The following DOCK6 variants were observed in gnomAD, a reference collection of about 807,000 sequenced individuals.
DOCK6 encodes dedicator of cytokinesis 6.
A neutral mutation model predicts 230.3 loss-of-function variants in DOCK6; 167 were observed. The ratio of observed to expected loss-of-function variants is 0.73; its 90% CI spans 0.64 to 0.82. DOCK6 has a LOEUF of 0.82. Among genes scored for constraint, DOCK6 ranks in the 40% least tolerant of loss-of-function variants. The pLI, the probability that DOCK6 is intolerant of heterozygous loss-of-function variation, is 0.00. For missense variants in DOCK6, 2,598 were observed against 2,825.8 expected (o/e 0.92, Z 1.83); for synonymous variants, 1,148 against 1,185.0 (o/e 0.97, Z 0.64).
rs747575528 is a variant in DOCK6 at position 11,222,783 on chromosome 19, CAG to C, written c.3190_3191del (p.Leu1064ValfsTer60). 7.1e-5 allele frequency: 113 copies of C among 1,584,108 alleles called. No individual in the cohort carries two copies. The highest frequency in any genetic ancestry group is 3.3e-4 in the Middle Eastern group (2 of 6,004). ...YVTLNLPCCP[L>X]SPPASPSPSV... ...AGGGGGAGGGCGAGGCTGGAGGTGA[CAG>C]GGGGCAGCAGGGGAGGTTGAGGGTC... On this transcript the variant is annotated frameshift_variant, in exon 26 of 48. Transcript: ENST00000294618. LOFTEE classifies it high-confidence loss of function. The surrounding 1 kb of genome is among the most constrained non-coding windows in gnomAD (Gnocchi z 4.0).
At position 11,243,726 on chromosome 19, in the gene DOCK6, G is replaced by A. The variant is rs779570498; in HGVS notation, c.1105-16C>T. On this transcript the variant is annotated splice_polypyrimidine_tract_variant and intron_variant, in intron 10 of 47. Coordinates refer to ENST00000294618, the MANE Select transcript of DOCK6 (RefSeq NM_020812.4). This position sits in a 1 kb window ranked among gnomAD's most constrained non-coding sequence, Gnocchi z 6.3. ...TCTCTTTGTTCTGTGGGGAGACCCC[G>A]TCCCCTGCCAGCTCAGCATCCTAGC... 2 of 1,613,826 alleles carry A rather than the reference G, an allele frequency of 1.2e-6. No individual in the cohort carries two copies. The highest frequency in any genetic ancestry group is 1.1e-5 in the South Asian group (1 of 91,046).
At position 11,200,686 on chromosome 19, in the gene DOCK6, G is replaced by T; in HGVS notation, c.5939+30C>A. 6.3e-7 allele frequency: 1 copy of T among 1,590,508 alleles called. No individual in the cohort carries two copies. The highest frequency in any genetic ancestry group is 1.1e-5 in the South Asian group (1 of 88,714). ...AGGCCTATGCAGGTTAGGCAGACAC[G>T]AGACCCCTCCTGGGGGGTTTTGCGC... On this transcript the variant is annotated intron_variant, in intron 46 of 47. Coordinates refer to ENST00000294618, the MANE Select transcript of DOCK6 (RefSeq NM_020812.4). This position sits in a 1 kb window ranked among gnomAD's most constrained non-coding sequence, Gnocchi z 4.3.
At chr19:11,199,947 G>A (rs954511481) in intron 47 of DOCK6, among the ~76,000 whole-genome samples, 4 of 152,080 alleles carry the variant, frequency 2.6e-5, no homozygotes, top group Non-Finnish European at 4.4e-5. Context: ...TCAGGAGTTC[G>A]AGACCAGTCT....
At chr19:11,228,886 G>A (rs1224081456) in intron 23 of DOCK6, 54 bp downstream of exon 23, 3 of 1,573,762 alleles carry the variant, frequency 1.9e-6, no homozygotes, top group African/African-American at 2.7e-5. Context: ...TTTAAAAAAG[G>A]AAGGGGCTCC....
chr19:11,201,982 C>T lies in DOCK6; in HGVS notation c.5595G>A (p.Glu1865=). 1.9e-6 allele frequency: 3 copies of T among 1,613,950 alleles called. No homozygotes were observed. The highest frequency in any genetic ancestry group is 2.5e-6 in the Non-Finnish European group (3 of 1,179,864). Residue 1865 remains glutamate, a synonymous_variant, in exon 44 of 48, where the codon GAG becomes GAA. Coordinates refer to ENST00000294618, the MANE Select transcript of DOCK6 (RefSeq NM_020812.4). The surrounding 1 kb of genome is among the most constrained non-coding windows in gnomAD (Gnocchi z 4.3). ...PFTPDGRAHG[E]LPEQHKRKTL... ...TCTTACGCTTGTGTTGCTCGGGCAG[C>T]TCCCCGTGTGCGCGCCCATCCGGCG...
At chr19:11,214,730 GC>G in intron 32 of DOCK6, 81 bp from the exon 33 acceptor site, 1 of 1,311,564 alleles carries the variant, frequency 7.6e-7, no homozygotes, top group Non-Finnish European at 1.1e-6. Flanking sequence ...TCCCCTGGCA[GC>G]CCAGGGGGCA....
intron 28 of DOCK6, among the ~76,000 whole-genome samples, chr19:11,220,337 A>C (rs1203200496): frequency 1.3e-5 from 2 of 152,154 alleles, no homozygotes; most frequent in Non-Finnish European, 2.9e-5. Flanking sequence ...TCCCCTAAAA[A>C]GTCTCAACAG....
Position 11,236,405 on chromosome 19 carries a change from T to G in DOCK6, c.2333A>C (p.His778Pro), listed in dbSNP as rs1802035980. ...SPEPLVAFSHHVLDKLVRLVI... is the reference protein window; with the variant it reads ...SPEPLVAFSHPVLDKLVRLVI... ...CAGACGCACGAGCTTGTCCAGCACG[T>G]GGTGGGAGAAGGCCACAAGGGGTTC... Residue 778 changes from histidine (H) to proline (P), a missense_variant, in exon 20 of 48, where the codon CAC (histidine) becomes CCC (proline). His to Pro is a moderately conservative substitution (Grantham distance 77, BLOSUM62 -2). Coordinates refer to ENST00000294618, the MANE Select transcript of DOCK6 (RefSeq NM_020812.4). The surrounding 1 kb of genome is among the most constrained non-coding windows in gnomAD (Gnocchi z 5.2). The G allele has an allele frequency of 5.0e-6, 8 of 1,588,184 alleles. No homozygotes were observed. The highest frequency in any genetic ancestry group is 6.0e-6 in the Non-Finnish European group (7 of 1,167,760).
At chr19:11,256,915 G>C (rs1242260885) in intron 1 of DOCK6, among the ~76,000 whole-genome samples, 2 of 151,936 alleles carry the variant, frequency 1.3e-5, no homozygotes, top group Non-Finnish European at 2.9e-5. Context: ...CTGACCTCTG[G>C]TGATGCACCC....
chr19:11,217,554 C>T (rs111312386), intron 28 of DOCK6, among the ~76,000 whole-genome samples, 163 bp from the exon 29 acceptor site: 8 of 151,938 alleles, frequency 5.3e-5, no homozygotes, highest in African/African-American at 1.7e-4. Flanking sequence ...GTCAGGAGTT[C>T]GAGACCAGCC....
intron 37 of DOCK6, 61 bp downstream of exon 37, chr19:11,211,715 T>A (rs1292160628): frequency 1.5e-6 from 2 of 1,327,800 alleles, no homozygotes; most frequent in Non-Finnish European, 2.1e-6. Context: ...CTCTCATCCC[T>A]GTTCTCCCTG....
At position 11,242,161 on chromosome 19, in the gene DOCK6, GA is replaced by G. The variant is rs2079957212; in HGVS notation, c.1526del (p.Phe509SerfsTer69). On this transcript the variant is annotated frameshift_variant, in exon 14 of 48. Coordinates refer to ENST00000294618, the MANE Select transcript of DOCK6 (RefSeq NM_020812.4). LOFTEE classifies it high-confidence loss of function. ...TATGAAGCAGCTCAGGGGAGAGGCAGAAGTGGGGATTTTCAGGAGCCGGAGA... is the reference window on the plus strand; with the variant it reads ...TATGAAGCAGCTCAGGGGAGAGGCAGAGTGGGGATTTTCAGGAGCCGGAGA... ...DISPAPENPH[F>X]CLSPELLHIK... 1 of 1,465,658 alleles carries G rather than the reference GA, an allele frequency of 6.8e-7. No homozygotes were observed. The highest frequency in any genetic ancestry group is 9.0e-7 in the Non-Finnish European group (1 of 1,109,882). The allele number at this position is 1,465,658 out of a possible 1,614,324, so 90.8% of individuals were successfully genotyped here.
chr19:11,226,615 G>T (rs181254085), intron 24 of DOCK6, among the ~76,000 whole-genome samples: 1 of 152,098 alleles, frequency 6.6e-6, no homozygotes, highest in African/African-American at 2.4e-5. Context: ...CCAAGATTGC[G>T]CCATCGCACT....
chr19:11,236,520 G>A lies in DOCK6; in HGVS notation c.2218C>T (p.Pro740Ser). The A allele has an allele frequency of 6.2e-7, 1 of 1,604,698 alleles. No individual in the cohort carries two copies. The highest frequency in any genetic ancestry group is 1.7e-4 in the Middle Eastern group (1 of 6,024). ...LVHVLEEGAF[P>S]FRLKDTVLSE... is the part of the protein sequence containing the mutation. ...AGCACAGTGTCCTTGAGCCGGAATG[G>A]GAAGGCTCCCTCCTCCAGGACGTGC... Residue 740 changes from proline to serine, a missense_variant, in exon 20 of 48, where the codon CCA (proline) becomes TCA (serine). Transcript: ENST00000294618. This position sits in a 1 kb window ranked among gnomAD's most constrained non-coding sequence, Gnocchi z 5.2.
intron 24 of DOCK6, 69 bp downstream of exon 24, chr19:11,227,268 C>T (rs2079680351): frequency 1.9e-6 from 3 of 1,577,798 alleles, no homozygotes; most frequent in East Asian, 2.3e-5. Flanking sequence ...GCAGGATTGG[C>T]GCCCCCACCT....
At chr19:11,238,604 G>A in intron 14 of DOCK6, 1 of 356,768 alleles carries the variant, frequency 2.8e-6, no homozygotes. Flanking sequence ...CACACAGAAG[G>A]CAGAGAATAG....
chr19:11,215,621 G>A, intron 31 of DOCK6, 150 bp from the exon 32 acceptor site: 1 of 1,294,236 alleles, frequency 7.7e-7, no homozygotes, highest in Non-Finnish European at 1.1e-6. Context: ...ACGCACAGGG[G>A]CAAACACGAG....
intron 7 of DOCK6, among the ~76,000 whole-genome samples, chr19:11,246,840 G>A (rs868569257): frequency 6.6e-6 from 1 of 151,970 alleles, no homozygotes; most frequent in Non-Finnish European, 1.5e-5. Flanking sequence ...GCTGGCCTCC[G>A]CTCACCACGC....
At chr19:11,244,803 A>T (rs1335801847) in intron 9 of DOCK6, among the ~76,000 whole-genome samples, 2 of 152,054 alleles carry the variant, frequency 1.3e-5, no homozygotes, top group Non-Finnish European at 2.9e-5. Flanking sequence ...CATGTTGGCA[A>T]GGTTGGTCTC....
Sources: allele counts gnomAD v4.1 joint callset (sites outside exome capture counted in the v4.1 genomes callset), GRCh38; gene constraint gnomAD v4.1.1; non-coding constraint Gnocchi (gnomAD v3.1); transcripts MANE v1.5; gene names NCBI Gene and HGNC (gene_info 2026-07-23, HGNC 2026-07-21).